Variants in GASK1B observed in about 807,000 individuals in gnomAD.
GASK1B encodes the protein Golgi-associated kinase 1B.
A neutral mutation model predicts 42.8 loss-of-function variants in GASK1B; 34 were observed. The ratio of observed to expected loss-of-function variants is 0.79; its 90% confidence interval spans 0.60 to 1.06. The LOEUF is 1.06. Among genes scored for constraint, GASK1B ranks in the 50% least tolerant of loss-of-function variants. The pLI is 0.00. For synonymous variants in GASK1B, 262 were observed against 259.1 expected (o/e 1.01, Z -0.11); for missense variants, 686 against 661.0 (o/e 1.04, Z -0.42).
rs1019873387 is a variant in GASK1B, at chr4:158,125,609, T to G, written c.*1798A>C. 5.3e-5 allele frequency: 8 copies of G among 151,904 alleles called. No individual in the cohort carries two copies. The highest frequency in any genetic ancestry group is 1.2e-4 in the Non-Finnish European group (8 of 67,976). 9.4% of individuals were successfully genotyped at this position (151,904 alleles called of 1,614,324 possible). A position where few individuals can be genotyped will look rare whatever the true frequency, so the allele number is the denominator to read the frequency against. On this transcript the variant is annotated 3_prime_UTR_variant, in exon 5 of 5. Transcript: ENST00000585682. ...AGGATCTTAAAAATCCCAGAGACAG[T>G]GAGTAAAAGTGGAGACTCAAAAGAG...
At chr4:158,140,989 A>G (rs1038124795) in intron 3 of GASK1B, among the ~76,000 whole-genome samples, 4 of 152,254 alleles carry the variant, frequency 2.6e-5, no homozygotes, top group Non-Finnish European at 4.4e-5. Flanking sequence ...GTTGTCACTT[A>G]GCAATTTGAA....
At chr4:158,141,912 T>TAA (rs1560780864) in intron 3 of GASK1B, among the ~76,000 whole-genome samples, 31 of 125,972 alleles carry the variant, frequency 2.5e-4, no homozygotes, top group South Asian at 5.4e-4. Flanking sequence ...CGGCCGATGT[T>TAA]GTGGTTTCTT....
rs1416117511 is a variant in GASK1B, at chr4:158,152,260, T to A, written c.1125+3351A>T. Among the ~76,000 whole-genome samples the A allele has an allele frequency of 2.6e-5, 4 of 152,176 alleles. No individual in the cohort carries two copies. In the South Asian group the frequency reaches 8.3e-4, roughly 31 times the overall value. On this transcript the variant is annotated intron_variant, in intron 3 of 4. Transcript: ENST00000585682. ...CTACTGTGGGACTTCACCTTGTGAT[T>A]GTGTGAGTCAATACTCCTTAATAAA... is the stretch of plus-strand genomic sequence containing the variant.
intron 3 of GASK1B, among the ~76,000 whole-genome samples, chr4:158,136,609 ATC>A (rs2075412935): frequency 6.6e-6 from 1 of 152,168 alleles, no homozygotes; most frequent in African/African-American, 2.4e-5. Context: ...TCTCATTCAA[ATC>A]TGTTAGTTAA....
chr4:158,171,079 C>A lies in GASK1B; in HGVS notation c.297G>T (p.Gly99=). The change falls in exon 2 of 5, where the codon GGG becomes GGT. Residue 99 remains glycine (G), a synonymous_variant. Coordinates refer to ENST00000585682, the MANE Select transcript of GASK1B (RefSeq NM_001128424.2). ...ACACCACATTGGGCTGCAGAGTGGA[C>A]CCATTGCCCTGGGACTCTGGAGGGG... ...TLAPPESQGN[G]STLQPNVVYI... 1 of 1,610,714 alleles carries A rather than the reference C, an allele frequency of 6.2e-7. No homozygotes were observed. Among genetic ancestry groups the A allele is most frequent in the Non-Finnish European group, 8.5e-7 (1 of 1,177,322 alleles).
At chr4:158,159,480 G>C (rs1731884318) in intron 2 of GASK1B, 1 of 431,498 alleles carries the variant, frequency 2.3e-6, no homozygotes, top group Admixed American at 2.9e-5. Flanking sequence ...CAGAAAAATT[G>C]CCTCTGAAAA....
intron 2 of GASK1B, among the ~76,000 whole-genome samples, chr4:158,161,922 A>G (rs1002240513): frequency 2.0e-5 from 3 of 152,138 alleles, no homozygotes; most frequent in African/African-American, 7.2e-5. Context: ...TGCAAGATAA[A>G]GTCCAGGCTC....
chr4:158,152,715 A>C (rs11933839), intron 3 of GASK1B, among the ~76,000 whole-genome samples: 17,712 of 152,148 alleles, frequency 0.12, 1,132 homozygotes, highest in African/African-American at 0.14. Flanking sequence ...TCAATAAATG[A>C]GATACACCAC....
chr4:158,156,703 C>T (rs1375357987), intron 2 of GASK1B, among the ~76,000 whole-genome samples: 3 of 152,062 alleles, frequency 2.0e-5, no homozygotes, highest in African/African-American at 7.2e-5. Context: ...CATTTCTGCC[C>T]AATAAAGTCA....
intron 2 of GASK1B, chr4:158,169,954 T>C (rs188905813): frequency 4.6e-4 from 194 of 424,388 alleles, no homozygotes; most frequent in African/African-American, 3.6e-3. Flanking sequence ...AGAGGTTAAA[T>C]CCATTGAAAA....
chr4:158,129,818 T>C (rs977524206), intron 4 of GASK1B, among the ~76,000 whole-genome samples: 3 of 152,214 alleles, frequency 2.0e-5, no homozygotes, highest in Non-Finnish European at 4.4e-5. Flanking sequence ...CGCAGTCTCT[T>C]AGTCAATCTG....
Position 158,155,683 on chromosome 4 carries a change from C to A in GASK1B, c.1053G>T (p.Lys351Asn). Residue 351 changes from lysine (K) to asparagine (N), a missense_variant, in exon 3 of 5, where the codon AAG becomes AAT. By Grantham distance (94) the Lys-to-Asn change is moderately conservative. Transcript: ENST00000585682. ...GTATTTCAGTACAACCCGATTCAGG[C>A]TTGGGTACTCGGCCATTCTGCCAGC... Reference protein sequence around the residue: ...QKCWQNGRVPKPESGCTEIHH... With the variant: ...QKCWQNGRVPNPESGCTEIHH... The A allele has an allele frequency of 3.7e-6, 6 of 1,613,930 alleles. No homozygotes were observed. The highest frequency in any genetic ancestry group is 5.1e-6 in the Non-Finnish European group (6 of 1,179,814).
chr4:158,141,624 T>A (rs1436932110), intron 3 of GASK1B, among the ~76,000 whole-genome samples: 8 of 63,730 alleles, frequency 1.3e-4, no homozygotes, highest in Admixed American at 2.3e-4. Context: ...TTTTTTTTTT[T>A]GAGACGGAAT....
At chr4:158,166,387 A>G (rs1200039961) in intron 2 of GASK1B, among the ~76,000 whole-genome samples, 1 of 152,230 alleles carries the variant, frequency 6.6e-6, no homozygotes, top group Non-Finnish European at 1.5e-5. Context: ...GATGAGCTTT[A>G]TAATTGGAAC....
In GASK1B at chr4:158,124,693, T is replaced by C. The variant is rs1730385680; in HGVS notation, c.*2714A>G. On this transcript the variant is annotated 3_prime_UTR_variant, in exon 5 of 5. Coordinates refer to ENST00000585682, the MANE Select transcript of GASK1B (RefSeq NM_001128424.2). ...ACAAGTCCAAAGATTACAAATATAA[T>C]GATGATATCAAATATATGCACACAC... is the stretch of plus-strand genomic sequence containing the variant. The C allele has an allele frequency of 6.6e-6, 1 of 152,124 alleles. No individual in the cohort carries two copies. Among genetic ancestry groups the C allele is most frequent in the African/African-American group, 2.4e-5 (1 of 41,430 alleles). The allele number at this position is 152,124 out of a possible 1,614,324, so 9.4% of individuals were successfully genotyped here.
chr4:158,151,610 G>A (rs1381732350), intron 3 of GASK1B, among the ~76,000 whole-genome samples: 1 of 152,056 alleles, frequency 6.6e-6, no homozygotes, highest in Non-Finnish European at 1.5e-5. Context: ...CTAAGCCTGG[G>A]GCAATCTACA....
At chr4:158,166,311 C>G (rs372061437) in intron 2 of GASK1B, among the ~76,000 whole-genome samples, 1 of 152,146 alleles carries the variant, frequency 6.6e-6, no homozygotes, top group Non-Finnish European at 1.5e-5. Flanking sequence ...GATCTTGTCC[C>G]AGATTAAACT....
In GASK1B at chr4:158,169,969, A is replaced by AG. The variant is rs150420062; in HGVS notation, c.910+496dup. On this transcript the variant is annotated intron_variant, in intron 2 of 4. Coordinates refer to ENST00000585682, the MANE Select transcript of GASK1B (RefSeq NM_001128424.2). ...AGAGGTTAAATCCATTGAAAAAAAA[A>AG]GGGGGGGTTAAACCTAACATGGTCT... 1,583 of 438,388 alleles carry AG rather than the reference A, an allele frequency of 3.6e-3. 17 individuals carry two copies. Among genetic ancestry groups the AG allele is most frequent in the African/African-American group, 0.027 (1,328 of 49,868 alleles). The allele number at this position is 438,388 out of a possible 1,614,324, so 27.2% of individuals were successfully genotyped here. A position where few individuals can be genotyped will look rare whatever the true frequency, so the allele number is the denominator to read the frequency against.
intron 3 of GASK1B, among the ~76,000 whole-genome samples, chr4:158,132,366 G>A (rs1730716125): frequency 6.6e-6 from 1 of 152,224 alleles, no homozygotes; most frequent in Middle Eastern, 3.4e-3. Flanking sequence ...GAAAAGCAGT[G>A]CCAAAATTTA....
Sources: gnomAD v4.1 joint callset for allele counts (sites outside exome capture counted in the v4.1 genomes callset) on GRCh38, gnomAD v4.1.1 for gene constraint, MANE v1.5 for transcripts, NCBI Gene and HGNC (gene_info 2026-07-23, HGNC 2026-07-21) for gene names.